PGCKA1: variants seen among roughly 807,000 people sequenced by gnomAD.
PGCKA1 encodes the protein PDCD10 and GCKIII kinases associated 1, also known as PDCD10 and GCKIII kinases-associated protein 1.
chr4:37,535,735 C>A, the PGCKA1 span, among the ~76,000 whole-genome samples: 1 of 152,218 alleles, frequency 6.6e-6, no homozygotes, highest in Non-Finnish European at 1.5e-5. Flanking sequence ...ATTACCACCA[C>A]CACATTATGG....
At chr4:37,573,230 T>A in the PGCKA1 span, among the ~76,000 whole-genome samples, 1 of 152,242 alleles carries the variant, frequency 6.6e-6, no homozygotes, top group African/African-American at 2.4e-5. Flanking sequence ...AATTGCAGAT[T>A]TAAAAATCTA....
chr4:37,475,128 G>A, the PGCKA1 span, among the ~76,000 whole-genome samples: 1 of 152,110 alleles, frequency 6.6e-6, no homozygotes, highest in Non-Finnish European at 1.5e-5. Context: ...TCCAGATACT[G>A]TTAGACCAAG....
the PGCKA1 span, among the ~76,000 whole-genome samples, chr4:37,524,695 T>C: frequency 1.3e-5 from 2 of 152,222 alleles, no homozygotes; most frequent in Admixed American, 6.5e-5. Context: ...GAGTGGTTAT[T>C]AGGTGATAAT....
the PGCKA1 span, among the ~76,000 whole-genome samples, chr4:37,460,144 T>A: frequency 1.3e-5 from 2 of 152,202 alleles, no homozygotes; most frequent in East Asian, 3.8e-4. Flanking sequence ...GCATTATCCA[T>A]GTCCCTACAG....
At chr4:37,481,306 A>AG in the PGCKA1 span, among the ~76,000 whole-genome samples, 5 of 151,980 alleles carry the variant, frequency 3.3e-5, no homozygotes, top group South Asian at 1.0e-3. Flanking sequence ...CTAAAAAAAA[A>AG]ATACAAACCT....
At chr4:37,459,426 A>G in the PGCKA1 span, among the ~76,000 whole-genome samples, 2 of 152,230 alleles carry the variant, frequency 1.3e-5, no homozygotes, top group East Asian at 3.8e-4. Context: ...ATTTATATAA[A>G]TTAAGTAATA....
At chr4:37,566,622 T>G in the PGCKA1 span, among the ~76,000 whole-genome samples, 1 of 149,518 alleles carries the variant, frequency 6.7e-6, no homozygotes, top group African/African-American at 2.5e-5. Context: ...CTTGCTCCAT[T>G]GGCCAGGCTG....
At chr4:37,458,592 C>G in the PGCKA1 span, among the ~76,000 whole-genome samples, 2 of 152,134 alleles carry the variant, frequency 1.3e-5, no homozygotes, top group Non-Finnish European at 2.9e-5. Context: ...TCACGTCTTT[C>G]ATGATTTAGC....
At chr4:37,591,603 G>C in the PGCKA1 span, 4 of 152,152 alleles carry the variant, frequency 2.6e-5, no homozygotes, top group South Asian at 6.2e-4. Context: ...GGAAACAAAG[G>C]GTTAGTCATT....
the PGCKA1 span, among the ~76,000 whole-genome samples, chr4:37,465,359 C>A: frequency 6.6e-6 from 1 of 152,092 alleles, no homozygotes; most frequent in African/African-American, 2.4e-5. Flanking sequence ...GACCTGGACA[C>A]AATCTTGGTG....
chr4:37,462,962 C>CAAAAAA, the PGCKA1 span, among the ~76,000 whole-genome samples: 5 of 60,290 alleles, frequency 8.3e-5, no homozygotes, highest in Admixed American at 3.8e-4. Context: ...GACTCAGTAT[C>CAAAAAA]AAAAAAAAAA....
the PGCKA1 span, among the ~76,000 whole-genome samples, chr4:37,574,429 A>T: frequency 6.7e-6 from 1 of 149,708 alleles, no homozygotes; most frequent in South Asian, 2.1e-4. Flanking sequence ...AGCAGATTTT[A>T]CTTCATTTAT....
At chr4:37,521,741 T>G in the PGCKA1 span, among the ~76,000 whole-genome samples, 1 of 152,224 alleles carries the variant, frequency 6.6e-6, no homozygotes, top group African/African-American at 2.4e-5. Context: ...ATTTCTTTAT[T>G]GATTTTCTGT....
At chr4:37,464,800 C>T in the PGCKA1 span, among the ~76,000 whole-genome samples, 1 of 152,122 alleles carries the variant, frequency 6.6e-6, no homozygotes, top group African/African-American at 2.4e-5. Flanking sequence ...TCTAAATATA[C>T]CCCAAGCATG....
chr4:37,522,616 C>A, the PGCKA1 span, among the ~76,000 whole-genome samples: 1 of 147,930 alleles, frequency 6.8e-6, no homozygotes, highest in Non-Finnish European at 1.5e-5. Context: ...CTCAGAGGCT[C>A]ACCCAAGGCC....
chr4:37,469,391 T>A, the PGCKA1 span, among the ~76,000 whole-genome samples: 3 of 152,232 alleles, frequency 2.0e-5, no homozygotes, highest in Admixed American at 2.0e-4. Context: ...TATTTCTCAA[T>A]AAGCTTCTTG....
chr4:37,486,713 A>G, the PGCKA1 span, among the ~76,000 whole-genome samples: 2 of 152,104 alleles, frequency 1.3e-5, no homozygotes, highest in African/African-American at 4.8e-5. Flanking sequence ...CCTTTTTGGG[A>G]CTTTCAGTGT....
At chr4:37,567,098 A>C in the PGCKA1 span, among the ~76,000 whole-genome samples, 23 of 152,344 alleles carry the variant, frequency 1.5e-4, no homozygotes, top group Admixed American at 1.2e-3. Flanking sequence ...AAATAAACTT[A>C]CTAGGATGGA....
the PGCKA1 span, among the ~76,000 whole-genome samples, chr4:37,541,586 C>A: frequency 6.6e-6 from 1 of 152,228 alleles, no homozygotes; most frequent in Non-Finnish European, 1.5e-5. Flanking sequence ...AGCCACATGG[C>A]CGCTGCCATT....
Sources: gnomAD v4.1 joint callset for allele counts (sites outside exome capture counted in the v4.1 genomes callset) on GRCh38, gnomAD v4.1.1 for gene constraint, MANE v1.5 for transcripts, NCBI Gene and HGNC (gene_info 2026-07-23, HGNC 2026-07-21) for gene names.